The following SH3BGRL2 variants were observed in gnomAD, a reference collection of about 807,000 sequenced individuals.
SH3BGRL2 encodes the protein SH3 domain binding glutamate rich protein like 2.
In SH3BGRL2, 21 loss-of-function variants were observed where a neutral mutation model predicts 14.8. The observed-to-expected ratio is 1.42, with a 90% confidence interval of 1.01 to 2.05. The LOEUF (loss-of-function observed/expected upper bound fraction) is 2.05. SH3BGRL2 is among the 30% of genes most tolerant of loss of function. The pLI, the probability that SH3BGRL2 is intolerant of heterozygous loss-of-function variation, is 0.00. For synonymous variants in SH3BGRL2, 50 were observed against 47.8 expected (o/e 1.05, Z -0.19); for missense variants, 147 against 130.8 (o/e 1.12, Z -0.61).
rs1418052273 is a variant in SH3BGRL2, at chr6:79,701,889, T to A, written c.*2380T>A. On this transcript the variant is annotated 3_prime_UTR_variant, in exon 4 of 4. Coordinates refer to ENST00000369838, the MANE Select transcript of SH3BGRL2 (RefSeq NM_031469.4). The stretch of plus-strand genomic sequence containing the variant: ...TTTGATAATCACAGTCTTAAAATAC[T>A]AGGAAAGAAGTGGATGGGAATTGTA... The A allele has an allele frequency of 6.6e-6, 1 of 152,606 alleles. No homozygotes were observed. The highest frequency in any genetic ancestry group is 1.5e-5 in the Non-Finnish European group (1 of 68,030). 9.5% of individuals were successfully genotyped at this position (152,606 alleles called of 1,614,324 possible).
At chr6:79,558,932 G>C in the SH3BGRL2 span, among the ~76,000 whole-genome samples, 243 of 152,246 alleles carry the variant, frequency 1.6e-3, no homozygotes, top group Middle Eastern at 6.8e-3. Context: ...AGAAGAAGGA[G>C]GTGGTGGAGA....
intron 1 of SH3BGRL2, among the ~76,000 whole-genome samples, chr6:79,648,288 CATATATTAT>C (rs1397789705): frequency 4.9e-5 from 2 of 40,762 alleles, no homozygotes; most frequent in Admixed American, 2.8e-4. Flanking sequence ...ATATATTTGA[CATATATTAT>C]ATATAATATA....
intron 2 of SH3BGRL2, among the ~76,000 whole-genome samples, chr6:79,677,252 T>C (rs557220863): frequency 6.6e-6 from 1 of 152,312 alleles, no homozygotes; most frequent in African/African-American, 2.4e-5. Flanking sequence ...AGAAAGCTTG[T>C]ATATTTTTAT....
At chr6:79,591,360 C>G in the SH3BGRL2 span, among the ~76,000 whole-genome samples, 1,566 of 152,100 alleles carry the variant, frequency 0.01, 26 homozygotes, top group African/African-American at 0.036. Context: ...TCTATACTTT[C>G]CTATTCTTCT....
At chr6:79,601,936 CA>C in the SH3BGRL2 span, among the ~76,000 whole-genome samples, 26,478 of 151,890 alleles carry the variant, frequency 0.17, 2,426 homozygotes, top group South Asian at 0.22. Flanking sequence ...CCACCCCCCA[CA>C]AAAAAACCCA....
At chr6:79,668,246 A>G (rs1397781504) in intron 1 of SH3BGRL2, among the ~76,000 whole-genome samples, 1 of 152,178 alleles carries the variant, frequency 6.6e-6, no homozygotes, top group Admixed American at 6.5e-5. Flanking sequence ...CTTAGCAGTC[A>G]GTGCCACAGA....
At chr6:79,683,610 G>A (rs1241991768) in intron 2 of SH3BGRL2, among the ~76,000 whole-genome samples, 11 of 151,982 alleles carry the variant, frequency 7.2e-5, no homozygotes, top group African/African-American at 2.4e-4. Flanking sequence ...CACCATGCCT[G>A]GCTAATTTTT....
the SH3BGRL2 span, among the ~76,000 whole-genome samples, chr6:79,589,376 C>T: frequency 2.6e-5 from 4 of 151,832 alleles, no homozygotes; most frequent in Non-Finnish European, 5.9e-5. Context: ...TATTAATTTA[C>T]TATTAATAAA....
the SH3BGRL2 span, chr6:79,561,463 T>C: frequency 6.6e-5 from 10 of 152,152 alleles, no homozygotes; most frequent in Admixed American, 6.5e-4. Flanking sequence ...ACAGAATAGT[T>C]TGTGAACATG....
chr6:79,557,467 A>C, the SH3BGRL2 span, among the ~76,000 whole-genome samples: 2 of 152,186 alleles, frequency 1.3e-5, no homozygotes, highest in South Asian at 2.1e-4. Flanking sequence ...AAAAAAATTT[A>C]AACTAATTGA....
chr6:79,552,957 T>TTAGA, the SH3BGRL2 span: 1 of 152,216 alleles, frequency 6.6e-6, no homozygotes, highest in Non-Finnish European at 1.5e-5. Context: ...CATAAGACCC[T>TTAGA]ATGTCCTAGG....
the SH3BGRL2 span, among the ~76,000 whole-genome samples, chr6:79,545,550 A>G: frequency 6.6e-6 from 1 of 152,206 alleles, no homozygotes; most frequent in Non-Finnish European, 1.5e-5. Context: ...TTATAGGAAA[A>G]TCGTTTCAGA....
chr6:79,689,003 T>A (rs1441461868), intron 2 of SH3BGRL2, among the ~76,000 whole-genome samples: 1 of 151,558 alleles, frequency 6.6e-6, no homozygotes, highest in Non-Finnish European at 1.5e-5. Flanking sequence ...AGAATAGAAA[T>A]AGGATTTACT....
the SH3BGRL2 span, among the ~76,000 whole-genome samples, chr6:79,600,892 C>T: frequency 6.6e-6 from 1 of 152,084 alleles, no homozygotes; most frequent in Non-Finnish European, 1.5e-5. Context: ...ACTGTCACAC[C>T]ATCTTCCCAG....
chr6:79,547,729 A>G, the SH3BGRL2 span, among the ~76,000 whole-genome samples: 1 of 152,184 alleles, frequency 6.6e-6, no homozygotes, highest in Admixed American at 6.5e-5. Context: ...TGTGTCCAAA[A>G]TGTTTCAATG....
chr6:79,633,495 A>G (rs945063222), intron 1 of SH3BGRL2, among the ~76,000 whole-genome samples: 13 of 152,126 alleles, frequency 8.5e-5, no homozygotes, highest in Admixed American at 6.5e-4. Flanking sequence ...CTTTCCTTGG[A>G]CATTTTATTG....
chr6:79,642,327 G>A (rs976757293), intron 1 of SH3BGRL2, among the ~76,000 whole-genome samples: 1 of 152,122 alleles, frequency 6.6e-6, no homozygotes, highest in African/African-American at 2.4e-5. Flanking sequence ...TTTTACATAG[G>A]TTATATGCAA....
the SH3BGRL2 span, among the ~76,000 whole-genome samples, chr6:79,560,867 C>CTTTTTTTTT: frequency 2.4e-4 from 11 of 45,784 alleles, no homozygotes; most frequent in Non-Finnish European, 4.2e-4. Context: ...ACAATACACT[C>CTTTTTTTTT]TTTTTTTTTT....
chr6:79,610,716 G>T, the SH3BGRL2 span, among the ~76,000 whole-genome samples: 2 of 152,326 alleles, frequency 1.3e-5, no homozygotes, highest in South Asian at 2.1e-4. Context: ...TGATGCTCCT[G>T]ATCTGGCTCC....
Sources: allele counts gnomAD v4.1 joint callset (sites outside exome capture counted in the v4.1 genomes callset), GRCh38; gene constraint gnomAD v4.1.1; transcripts MANE v1.5; gene names NCBI Gene and HGNC (gene_info 2026-07-23, HGNC 2026-07-21).